The following RASGEF1B variants were observed in gnomAD, a reference collection of about 807,000 sequenced individuals.
RASGEF1B encodes ras-GEF domain-containing family member 1B.
Under a neutral mutation model 65.7 loss-of-function variants are expected in RASGEF1B, and 30 were observed. The observed-to-expected ratio is 0.46, with a 90% CI of 0.34 to 0.62. The LOEUF (loss-of-function observed/expected upper bound fraction) is 0.62. Ranked by LOEUF, RASGEF1B falls within the 20% of genes least tolerant of loss-of-function variation. The pLI is 0.01. For synonymous variants in RASGEF1B, 175 were observed against 194.8 expected (o/e 0.90, Z 0.85); for missense variants, 495 against 580.1 (o/e 0.85, Z 1.51).
At chr4:81,462,425 T>C (rs1196803144) in intron 1 of RASGEF1B, among the ~76,000 whole-genome samples, 2 of 152,206 alleles carry the variant, frequency 1.3e-5, no homozygotes, top group African/African-American at 2.4e-5. Context: ...TGGCTTATTG[T>C]ACTTAAAAAT....
intron 13 of RASGEF1B, among the ~76,000 whole-genome samples, chr4:81,429,872 C>T (rs1721360404): frequency 6.6e-6 from 1 of 152,024 alleles, no homozygotes; most frequent in African/African-American, 2.4e-5. Context: ...CGACATACGC[C>T]AGCACACTGG....
chr4:81,435,432 A>C (rs868357298), intron 10 of RASGEF1B, among the ~76,000 whole-genome samples: 4,010 of 146,028 alleles, frequency 0.027, 278 homozygotes, highest in African/African-American at 0.1. Context: ...AAAAAAAAAA[A>C]AAAAAAGAAT....
intron 2 of RASGEF1B, 192 bp downstream of exon 2, chr4:81,459,140 T>G: frequency 1.9e-6 from 1 of 525,810 alleles, no homozygotes; most frequent in South Asian, 3.2e-5. Flanking sequence ...TTGATACACA[T>G]AGTATACCAA....
At chr4:81,457,354 C>T (rs1424840246) in intron 3 of RASGEF1B, 145 bp downstream of exon 3, 13 of 708,106 alleles carry the variant, frequency 1.8e-5, no homozygotes, top group Non-Finnish European at 2.8e-5. Flanking sequence ...TTCTTTATAC[C>T]ATTCACAATT....
rs1722568463 is a variant in RASGEF1B at position 81,459,495 on chromosome 4, G to A, written c.14C>T (p.Pro5Leu). Residue 5 changes from proline (P) to leucine (L), a missense_variant, in exon 2 of 14, where the codon CCT becomes CTT. Pro to Leu is a moderately conservative substitution (Grantham distance 98). Transcript: ENST00000264400. ...GCTGTCAAACATTGCTGAAAAGGGA[G>A]GAGTCTGAGGCATACTTTCCTAAAA... Reference protein sequence around the residue: MPQTPPFSAMFDSSG... With the variant: MPQTLPFSAMFDSSG... 6.3e-7 allele frequency: 1 copy of A among 1,595,598 alleles called. No homozygotes were observed.
At chr4:81,440,712 G>A (rs1721802940) in intron 10 of RASGEF1B, 122 bp downstream of exon 10, 1 of 632,262 alleles carries the variant, frequency 1.6e-6, no homozygotes. Flanking sequence ...CATTTCTAGA[G>A]TACACATGTC....
intron 4 of RASGEF1B, chr4:81,453,078 A>T (rs1446881123): frequency 6.6e-6 from 1 of 152,014 alleles, no homozygotes. Context: ...CAATAGAGGG[A>T]AATAATTTTT....
intron 13 of RASGEF1B, among the ~76,000 whole-genome samples, chr4:81,429,608 G>C (rs1283993355): frequency 6.6e-6 from 1 of 152,188 alleles, no homozygotes; most frequent in Non-Finnish European, 1.5e-5. Flanking sequence ...AAAAACCCGA[G>C]ACCGCCGGCA....
chr4:81,466,612 A>T (rs552641904), intron 1 of RASGEF1B, among the ~76,000 whole-genome samples: 1 of 151,856 alleles, frequency 6.6e-6, no homozygotes, highest in East Asian at 1.9e-4. Context: ...ACAAAAAATT[A>T]GCTGGGCGTG....
chr4:81,448,106 G>C lies in RASGEF1B; in HGVS notation c.617C>G (p.Pro206Arg). 3 of 1,614,162 alleles carry C rather than the reference G, an allele frequency of 1.9e-6. No homozygotes were observed. In the South Asian group the frequency reaches 3.3e-5, roughly 18 times the overall value. The change falls in exon 5 of 14, where the codon CCT becomes CGT. Residue 206 changes from proline to arginine, a missense_variant. Physicochemically the swap from Pro to Arg is moderately radical, Grantham distance 103. Coordinates refer to ENST00000264400, the MANE Select transcript of RASGEF1B (RefSeq NM_152545.3). ...AGTCAGCTGCTGGGCCAACGTGTAA[G>C]GGTCGTTGCAGACAGTAATGATATC... Reference protein sequence around the residue: ...QRDIITVCNDPYTLAQQLTHI... With the variant: ...QRDIITVCNDRYTLAQQLTHI...
chr4:81,441,049 G>T, intron 9 of RASGEF1B, 120 bp from the exon 10 acceptor site: 1 of 626,972 alleles, frequency 1.6e-6, no homozygotes, highest in Non-Finnish European at 2.8e-6. Flanking sequence ...AACTCAGTAG[G>T]AATATGATTT....
intron 8 of RASGEF1B, 73 bp downstream of exon 8, chr4:81,445,453 T>A: frequency 1.9e-6 from 2 of 1,051,650 alleles, no homozygotes; most frequent in East Asian, 2.4e-5. Context: ...ACCATACTAT[T>A]TGCACATTTT....
chr4:81,435,726 T>C lies in RASGEF1B; in HGVS notation c.1105-992A>G, dbSNP rs536461765. Among the ~76,000 whole-genome samples the C allele has an allele frequency of 2.5e-4, 37 of 149,058 alleles. 1 individual carries two copies. The highest frequency in any genetic ancestry group is 1.4e-3 in the East Asian group (7 of 5,024). ...TCCTGACCTTGTGATCCGCCCGCCT[T>C]GGCCTCCCAAAGTGCTGGGATTACA... On this transcript the variant is annotated intron_variant, in intron 10 of 13. Coordinates refer to ENST00000264400, the MANE Select transcript of RASGEF1B (RefSeq NM_152545.3).
At chr4:81,443,689 T>C (rs1457069690) in intron 8 of RASGEF1B, among the ~76,000 whole-genome samples, 1 of 152,248 alleles carries the variant, frequency 6.6e-6, no homozygotes, top group African/African-American at 2.4e-5. Flanking sequence ...TAAATGGGCA[T>C]TTGGATTGTT....
At chr4:81,457,182 AATTTTTGT>A (rs1271224945) in intron 3 of RASGEF1B, among the ~76,000 whole-genome samples, 2 of 151,902 alleles carry the variant, frequency 1.3e-5, no homozygotes, top group Admixed American at 1.3e-4. Flanking sequence ...AGGGCCAGCT[AATTTTTGT>A]ATTTTCAGTA....
intron 1 of RASGEF1B, among the ~76,000 whole-genome samples, chr4:81,466,438 T>C (rs1353661437): frequency 6.6e-6 from 1 of 152,140 alleles, no homozygotes; most frequent in East Asian, 1.9e-4. Flanking sequence ...TCTGACACTA[T>C]TTAAAACATG....
At position 81,429,929 on chromosome 4, in the gene RASGEF1B, G is replaced by A. The variant is rs112296249; in HGVS notation, c.1398-2137C>T. Among the ~76,000 whole-genome samples the A allele has an allele frequency of 8.1e-4, 123 of 152,276 alleles. 1 individual carries two copies. The highest frequency in any genetic ancestry group is 2.8e-3 in the African/African-American group (117 of 41,554). On this transcript the variant is annotated intron_variant, in intron 13 of 13. Transcript: ENST00000264400. ...GAGGCGAAGTTTGGCAGGCGCAGTC[G>A]GAGGAGAGCCTGGGCCACTGAGTGG... is the stretch of plus-strand genomic sequence containing the variant.
At chr4:81,456,152 C>G in intron 4 of RASGEF1B, 1 of 258,878 alleles carries the variant, frequency 3.9e-6, no homozygotes, top group Non-Finnish European at 7.3e-6. Context: ...GCAGTCCTGT[C>G]CTCCTCTACT....
At chr4:81,430,458 T>C (rs562992220) in intron 13 of RASGEF1B, among the ~76,000 whole-genome samples, 1 of 152,324 alleles carries the variant, frequency 6.6e-6, no homozygotes, top group East Asian at 1.9e-4. Context: ...GCAAGCCACC[T>C]ATAGATGGCA....
Sources: gnomAD v4.1 joint callset for allele counts (sites outside exome capture counted in the v4.1 genomes callset) on GRCh38, gnomAD v4.1.1 for gene constraint, MANE v1.5 for transcripts, NCBI Gene and HGNC (gene_info 2026-07-23, HGNC 2026-07-21) for gene names.